The following MACF1 variants were observed in gnomAD, a reference collection of about 807,000 sequenced individuals.
The protein encoded by MACF1 is microtubule actin crosslinking factor 1.
A neutral mutation model predicts 854.8 loss-of-function variants in MACF1; 193 were observed. The observed-to-expected ratio is 0.23, with a 90% CI of 0.20 to 0.25. The LOEUF (loss-of-function observed/expected upper bound fraction) is 0.25. Ranked by LOEUF, MACF1 falls within the 10% of genes least tolerant of loss-of-function variation. The pLI is 1.00. For synonymous variants in MACF1, 3,185 were observed against 3,226.7 expected, an observed-to-expected ratio of 0.99 and a Z score of 0.44; for missense variants, 7,722 against 8,929.1, an observed-to-expected ratio of 0.86 and a Z score of 5.45.
At chr1:39,336,878 G>T (rs927707449) in intron 37 of MACF1, among the ~76,000 whole-genome samples, 11 of 152,162 alleles carry the variant, frequency 7.2e-5, no homozygotes, top group Non-Finnish European at 1.3e-4. Context: ...ATCTGCAAGG[G>T]TTTTAAATAG....
chr1:39,400,812 A>G (rs1186079057), intron 58 of MACF1, among the ~76,000 whole-genome samples: 5 of 152,088 alleles, frequency 3.3e-5, no homozygotes, highest in African/African-American at 4.8e-5. Flanking sequence ...CAAGCCTGTG[A>G]AATCTTTTTA....
chr1:39,315,446 G>A, intron 26 of MACF1, 67 bp from the exon 27 acceptor site: 1 of 1,465,320 alleles, frequency 6.8e-7, no homozygotes, highest in Non-Finnish European at 9.4e-7. Context: ...TATTACAAAT[G>A]TGGACTTCTT....
At chr1:39,111,574 G>C (rs1642407254) in intron 2 of MACF1, among the ~76,000 whole-genome samples, 1 of 151,980 alleles carries the variant, frequency 6.6e-6, no homozygotes, top group Non-Finnish European at 1.5e-5. Context: ...GTAGAGAGGG[G>C]GTTTCACCGT....
At chr1:39,188,652 G>A (rs1178248206) in intron 2 of MACF1, among the ~76,000 whole-genome samples, 10 of 152,080 alleles carry the variant, frequency 6.6e-5, no homozygotes, top group South Asian at 6.2e-4. Context: ...TGATTGAGAC[G>A]GAGTCTCACC....
chr1:39,204,910 G>A lies in MACF1; in HGVS notation c.-113G>A, dbSNP rs530752784. On this transcript the variant is annotated 5_prime_UTR_variant, in exon 1 of 101. Coordinates refer to ENST00000564288, the MANE Select transcript of MACF1 (RefSeq NM_001394062.1). The stretch of plus-strand genomic sequence containing the variant: ...GAAGTTTCTGACAACACTAAGCTCC[G>A]GCCTCTGCCTCTGCTGATAGTACAG... 49 of 637,706 alleles carry A rather than the reference G, an allele frequency of 7.7e-5. 1 individual carries two copies. In the African/African-American group the frequency reaches 7.8e-4, roughly 10 times the overall value. 39.5% of individuals were successfully genotyped at this position (637,706 alleles called of 1,614,324 possible).
chr1:39,234,578 G>A (rs1644831538), intron 2 of MACF1, among the ~76,000 whole-genome samples: 1 of 112,506 alleles, frequency 8.9e-6, no homozygotes, highest in Non-Finnish European at 1.9e-5. Flanking sequence ...GGACGGGGCG[G>A]CTGGCCTGGC....
intron 58 of MACF1, chr1:39,413,069 C>T (rs145511340): frequency 2.5e-6 from 4 of 1,599,480 alleles, no homozygotes; most frequent in Non-Finnish European, 8.5e-7. Context: ...ACTGCTCCAG[C>T]TGTTGCAGCA....
At chr1:39,318,022 T>C (rs1321568249) in intron 29 of MACF1, among the ~76,000 whole-genome samples, 2 of 152,186 alleles carry the variant, frequency 1.3e-5, no homozygotes, top group Non-Finnish European at 1.5e-5. Context: ...CAGGAAATAA[T>C]GACTATTTTT....
chr1:39,467,093 G>C (rs1644684940), intron 95 of MACF1, among the ~76,000 whole-genome samples: 1 of 152,302 alleles, frequency 6.6e-6, no homozygotes, highest in East Asian at 1.9e-4. Context: ...CTGGCCGGGC[G>C]TGGTGGCTTA....
intron 99 of MACF1, 22 bp from the exon 100 acceptor site, chr1:39,484,578 AC>A: frequency 6.2e-7 from 1 of 1,602,606 alleles, no homozygotes; most frequent in Non-Finnish European, 8.5e-7. Context: ...GTAAAATGTG[AC>A]CTTTTTATTA....
intron 40 of MACF1, among the ~76,000 whole-genome samples, chr1:39,344,137 G>A (rs930528204): frequency 1.3e-4 from 19 of 148,160 alleles, no homozygotes; most frequent in African/African-American, 4.2e-4. Flanking sequence ...AAGAAAAAAA[G>A]TTTTAGGGCC....
At chr1:39,201,510 G>A (rs974367537), upstream of MACF1, among the ~76,000 whole-genome samples, 3 of 151,966 alleles carry the variant, frequency 2.0e-5, no homozygotes, top group South Asian at 4.2e-4. Flanking sequence ...GTGCCACCAC[G>A]CCCGGCTTAT....
chr1:39,278,966 T>G (rs1474426443), intron 6 of MACF1, among the ~76,000 whole-genome samples: 1 of 152,218 alleles, frequency 6.6e-6, no homozygotes, highest in Non-Finnish European at 1.5e-5. Context: ...AAAATAAATT[T>G]TAACTGCCAA....
At chr1:39,466,621 G>A (rs2124108664) in intron 95 of MACF1, among the ~76,000 whole-genome samples, 1 of 152,188 alleles carries the variant, frequency 6.6e-6, no homozygotes, top group South Asian at 2.1e-4. Context: ...ACTGCTCTTG[G>A]GTGGAATCCT....
chr1:39,097,970 G>T (rs1227408786), intron 2 of MACF1, among the ~76,000 whole-genome samples: 1 of 152,142 alleles, frequency 6.6e-6, no homozygotes, highest in Non-Finnish European at 1.5e-5. Context: ...CAAGTGAAGA[G>T]AAGTTTCATA....
intron 6 of MACF1, among the ~76,000 whole-genome samples, chr1:39,263,340 G>A (rs2148348743): frequency 6.6e-6 from 1 of 152,268 alleles, no homozygotes; most frequent in African/African-American, 2.4e-5. Flanking sequence ...TCATGCAGAG[G>A]TTTATGGTTT....
intron 58 of MACF1, among the ~76,000 whole-genome samples, chr1:39,419,845 T>A (rs1553383124): frequency 9.6e-6 from 1 of 104,290 alleles, no homozygotes; most frequent in South Asian, 2.7e-4. Flanking sequence ...GTGTGTGTAT[T>A]TTTAGTAGAG....
chr1:39,213,629 A>T (rs557533015), intron 1 of MACF1, among the ~76,000 whole-genome samples: 66 of 152,228 alleles, frequency 4.3e-4, no homozygotes, highest in African/African-American at 1.3e-3. Flanking sequence ...GAGCCACTGC[A>T]CTCAGTCTCA....
intron 2 of MACF1, among the ~76,000 whole-genome samples, chr1:39,187,271 A>G (rs959082357): frequency 4.6e-5 from 7 of 152,066 alleles, no homozygotes; most frequent in Non-Finnish European, 1.0e-4. Context: ...TTGTTTACTG[A>G]TCTATGTACA....
Sources: gnomAD v4.1 joint callset for allele counts (sites outside exome capture counted in the v4.1 genomes callset) on GRCh38, gnomAD v4.1.1 for gene constraint, MANE v1.5 for transcripts, NCBI Gene and HGNC (gene_info 2026-07-23, HGNC 2026-07-21) for gene names.